TBC1D5: variants seen among roughly 807,000 people sequenced by gnomAD.
TBC1D5 encodes TBC1 domain family member 5.
In TBC1D5, 75 loss-of-function variants were observed where a neutral mutation model predicts 100.3. The observed-to-expected ratio is 0.75, with a 90% CI of 0.62 to 0.91. The LOEUF is 0.91. Ranked by LOEUF, TBC1D5 falls within the 40% of genes least tolerant of loss-of-function variation. The probability of loss-of-function intolerance (pLI) is 0.00; values close to 1 mark genes in which losing one functional copy is unlikely to be tolerated. For synonymous variants in TBC1D5, 323 were observed against 325.6 expected (o/e 0.99, Z 0.09); for missense variants, 910 against 942.4 (o/e 0.97, Z 0.45).
chr3:17,297,889 C>G (rs2060627), intron 14 of TBC1D5, among the ~76,000 whole-genome samples: 64,245 of 151,800 alleles, frequency 0.42, 14,313 homozygotes, highest in Middle Eastern at 0.5. Flanking sequence ...CACTACACCT[C>G]GCCAAAACAA....
At chr3:17,620,774 T>A (rs1284290858) in intron 2 of TBC1D5, among the ~76,000 whole-genome samples, 1 of 151,802 alleles carries the variant, frequency 6.6e-6, no homozygotes, top group Non-Finnish European at 1.5e-5. Context: ...ATTCAAAAAA[T>A]TAAATCAATA....
At chr3:17,205,086 G>A (rs560172590) in intron 18 of TBC1D5, among the ~76,000 whole-genome samples, 7 of 152,298 alleles carry the variant, frequency 4.6e-5, no homozygotes, top group Admixed American at 1.3e-4. Context: ...TTACTATCAT[G>A]AGACTTAAAC....
intron 1 of TBC1D5, among the ~76,000 whole-genome samples, chr3:17,629,948 C>T (rs1278591981): frequency 6.6e-6 from 1 of 151,984 alleles, no homozygotes; most frequent in Non-Finnish European, 1.5e-5. Flanking sequence ...ACAGAAGTTA[C>T]AAAAAACTAA....
chr3:17,242,235 A>G (rs1276315659), intron 16 of TBC1D5, among the ~76,000 whole-genome samples: 2 of 152,122 alleles, frequency 1.3e-5, no homozygotes, highest in East Asian at 3.8e-4. Flanking sequence ...AAAAACCATT[A>G]TCACATTATC....
intron 4 of TBC1D5, among the ~76,000 whole-genome samples, chr3:17,418,641 T>C (rs757531094): frequency 3.3e-5 from 5 of 152,140 alleles, no homozygotes; most frequent in Admixed American, 1.3e-4. Flanking sequence ...TTTTAAACTT[T>C]AGTACTATCA....
intron 13 of TBC1D5, among the ~76,000 whole-genome samples, chr3:17,310,519 CA>C: frequency 6.6e-6 from 1 of 151,822 alleles, no homozygotes; most frequent in African/African-American, 2.4e-5. Flanking sequence ...GAGAGAGATC[CA>C]GAAAGTTCTT....
intron 14 of TBC1D5, among the ~76,000 whole-genome samples, chr3:17,293,870 C>G (rs1382336099): frequency 6.6e-6 from 1 of 152,210 alleles, no homozygotes; most frequent in Non-Finnish European, 1.5e-5. Flanking sequence ...CCTACATTAT[C>G]TCAATTAATT....
At chr3:17,466,593 T>C (rs1266219871) in intron 3 of TBC1D5, among the ~76,000 whole-genome samples, 1 of 152,226 alleles carries the variant, frequency 6.6e-6, no homozygotes, top group African/African-American at 2.4e-5. Flanking sequence ...AATATATTAG[T>C]TCCCAGTATA....
At chr3:17,469,883 C>G (rs372914783) in intron 3 of TBC1D5, among the ~76,000 whole-genome samples, 42 of 152,336 alleles carry the variant, frequency 2.8e-4, no homozygotes, top group African/African-American at 9.1e-4. Flanking sequence ...GGATATATAA[C>G]TTACTGTACA....
At chr3:17,685,389 GATAA>G (rs1344427056) in intron 1 of TBC1D5, among the ~76,000 whole-genome samples, 15 of 151,994 alleles carry the variant, frequency 9.9e-5, no homozygotes, top group Admixed American at 3.3e-4. Flanking sequence ...TAATTCATCA[GATAA>G]ATAATTTACT....
intron 4 of TBC1D5, among the ~76,000 whole-genome samples, chr3:17,418,860 G>A (rs73161403): frequency 0.061 from 9,242 of 152,192 alleles, 547 homozygotes; most frequent in African/African-American, 0.15. Flanking sequence ...CAAAAGTACA[G>A]TTGGCCCTCC....
At chr3:17,525,902 T>G (rs1449261483) in intron 2 of TBC1D5, among the ~76,000 whole-genome samples, 1 of 152,132 alleles carries the variant, frequency 6.6e-6, no homozygotes, top group African/African-American at 2.4e-5. Context: ...TATTGCTGAA[T>G]GAGTGAAAAT....
intron 16 of TBC1D5, among the ~76,000 whole-genome samples, chr3:17,242,843 T>G (rs978726160): frequency 3.3e-4 from 50 of 152,206 alleles, no homozygotes; most frequent in African/African-American, 1.2e-3. Flanking sequence ...ATATAAATAT[T>G]TTTACTAATT....
intron 3 of TBC1D5, among the ~76,000 whole-genome samples, chr3:17,479,937 A>G (rs1170097651): frequency 6.6e-6 from 1 of 152,182 alleles, no homozygotes; most frequent in Non-Finnish European, 1.5e-5. Flanking sequence ...CTATAGCCAC[A>G]CAGCTCCAGA....
intron 3 of TBC1D5, among the ~76,000 whole-genome samples, chr3:17,492,045 T>C (rs2095645911): frequency 6.6e-6 from 1 of 152,182 alleles, no homozygotes; most frequent in Non-Finnish European, 1.5e-5. Flanking sequence ...TGTACAGGAA[T>C]TTATCCATTT....
intron 16 of TBC1D5, among the ~76,000 whole-genome samples, chr3:17,252,023 G>A (rs183711872): frequency 6.6e-6 from 1 of 152,300 alleles, no homozygotes; most frequent in Admixed American, 6.5e-5. Flanking sequence ...ACTAAGAGTA[G>A]AATCTCATAT....
At chr3:17,389,302 A>G (rs750228239) in intron 8 of TBC1D5, among the ~76,000 whole-genome samples, 4 of 152,072 alleles carry the variant, frequency 2.6e-5, no homozygotes, top group Admixed American at 6.6e-5. Context: ...TGTCTCATCT[A>G]TAGATGACAT....
intron 7 of TBC1D5, among the ~76,000 whole-genome samples, chr3:17,403,625 T>G (rs891524859): frequency 6.6e-6 from 1 of 152,002 alleles, no homozygotes; most frequent in Non-Finnish European, 1.5e-5. Context: ...GCATTTACAA[T>G]CTATTAGGTA....
rs534166113 is a variant in TBC1D5 at position 17,338,037 on chromosome 3, C to G, written c.996-29903G>C. Among the ~76,000 whole-genome samples the G allele has an allele frequency of 8.6e-5, 13 of 151,974 alleles. No individual in the cohort carries two copies. In the South Asian group the frequency reaches 2.7e-3, roughly 32 times the overall value. Reference sequence around the variant, plus strand: ...CCTCTCACTGCTATCCACAGAGAGGCCAAAGAAGAGAGGAAACAAAGAAGA... The same window carrying G: ...CCTCTCACTGCTATCCACAGAGAGGGCAAAGAAGAGAGGAAACAAAGAAGA... On this transcript the variant is annotated intron_variant, in intron 13 of 21. Transcript: ENST00000253692.
Sources: allele counts gnomAD v4.1 joint callset (sites outside exome capture counted in the v4.1 genomes callset), GRCh38; gene constraint gnomAD v4.1.1; transcripts MANE v1.5; gene names NCBI Gene and HGNC (gene_info 2026-07-23, HGNC 2026-07-21).